LRRC8A: variants seen among roughly 807,000 people sequenced by gnomAD.
LRRC8A encodes the protein volume-regulated anion channel subunit LRRC8A.
Under a neutral mutation model 52.5 loss-of-function variants are expected in LRRC8A, and 24 were observed. That is an observed-to-expected ratio of 0.46 (90% CI 0.33 to 0.64). The LOEUF is 0.64. Among genes scored for constraint, LRRC8A ranks in the 30% least tolerant of loss-of-function variants. The pLI, the probability that LRRC8A is intolerant of heterozygous loss-of-function variation, is 0.02. For missense variants in LRRC8A, 677 were observed against 1,094.7 expected (o/e 0.62, Z 5.38); for synonymous variants, 492 against 494.2 (o/e 1.00, Z 0.06).
chr9:128,910,296 A>G (rs1479704164), intron 3 of LRRC8A, among the ~76,000 whole-genome samples: 1 of 152,094 alleles, frequency 6.6e-6, no homozygotes, highest in African/African-American at 2.4e-5. Flanking sequence ...GACAAGGGAG[A>G]GCCCAGCCAG....
intron 2 of LRRC8A, among the ~76,000 whole-genome samples, chr9:128,900,630 C>T (rs2130987182): frequency 6.6e-6 from 1 of 152,162 alleles, no homozygotes; most frequent in Middle Eastern, 3.4e-3. Context: ...ATCGTTTGAA[C>T]CCAGGAGGTA....
rs1355136706 is a variant in LRRC8A, at chr9:128,899,533, C to T, written c.-8-7624C>T. ...AGACTTCTGTCTCTGAGCCGGTTTC[C>T]GTGGTTATAAAATGGACACCTTAAA... On this transcript the variant is annotated intron_variant, in intron 2 of 3. Coordinates refer to ENST00000372600, the MANE Select transcript of LRRC8A (RefSeq NM_019594.4). The surrounding 1 kb of genome is among the most constrained non-coding windows in gnomAD (Gnocchi z 4.0). Among the ~76,000 whole-genome samples the T allele has an allele frequency of 6.6e-6, 1 of 151,648 alleles. No homozygotes were observed. The highest frequency in any genetic ancestry group is 1.9e-4 in the East Asian group (1 of 5,174).
At position 128,908,825 on chromosome 9, in the gene LRRC8A, A is replaced by G. The variant is rs867670600; in HGVS notation, c.1661A>G (p.Asn554Ser). 1 of 1,613,538 alleles carries G rather than the reference A, an allele frequency of 6.2e-7. No homozygotes were observed. Among genetic ancestry groups the G allele is most frequent in the East Asian group, 2.2e-5 (1 of 44,898 alleles). Residue 554 changes from asparagine to serine, a missense_variant, in exon 3 of 4, where the codon AAC (asparagine) becomes AGC (serine). Around this residue, in one of 4 missense-constraint regions of LRRC8A, gnomAD observed 422 missense variants for 741.5 expected, o/e 0.57. Coordinates refer to ENST00000372600, the MANE Select transcript of LRRC8A (RefSeq NM_019594.4). Reference sequence around the variant, plus strand: ...CTCAAGGTGCTGCGGCTCAAGAGCAACCTAAGCAAGCTGCCACAGGTGGTC... The same window carrying G: ...CTCAAGGTGCTGCGGCTCAAGAGCAGCCTAAGCAAGCTGCCACAGGTGGTC... ...KRLKVLRLKS[N>S]LSKLPQVVTD...
At chr9:128,898,226 T>C (rs1839897852) in intron 2 of LRRC8A, among the ~76,000 whole-genome samples, 1 of 152,128 alleles carries the variant, frequency 6.6e-6, no homozygotes, top group Non-Finnish European at 1.5e-5. Flanking sequence ...TGTTTTTTGT[T>C]TGTTTGTTTT....
intron 2 of LRRC8A, among the ~76,000 whole-genome samples, chr9:128,887,160 T>G (rs898574037): frequency 3.9e-5 from 6 of 152,160 alleles, no homozygotes; most frequent in African/African-American, 1.4e-4. Flanking sequence ...GGTTTTATAC[T>G]GTTTGGCTAT....
At chr9:128,886,351 G>GT (rs976584343) in intron 2 of LRRC8A, among the ~76,000 whole-genome samples, 12 of 152,302 alleles carry the variant, frequency 7.9e-5, no homozygotes, top group African/African-American at 2.2e-4. Flanking sequence ...GCAAACCTCT[G>GT]TTTTTTCTCC....
intron 2 of LRRC8A, among the ~76,000 whole-genome samples, chr9:128,895,804 G>A (rs948516423): frequency 6.6e-6 from 1 of 152,246 alleles, no homozygotes; most frequent in Non-Finnish European, 1.5e-5. Flanking sequence ...TCCCCGCTGA[G>A]CCTTCGCCTG....
intron 2 of LRRC8A, among the ~76,000 whole-genome samples, chr9:128,888,773 TG>T (rs1353804925): frequency 6.6e-6 from 1 of 152,026 alleles, no homozygotes; most frequent in African/African-American, 2.4e-5. Context: ...CTCACTGTCC[TG>T]TCGCTTTCCC....
chr9:128,906,924 G>C (rs777142135), intron 2 of LRRC8A, among the ~76,000 whole-genome samples: 9 of 152,230 alleles, frequency 5.9e-5, no homozygotes, highest in Non-Finnish European at 1.2e-4. Flanking sequence ...TGTATTAAAT[G>C]GGGAGCCTGC....
chr9:128,908,113 C>G lies in LRRC8A; in HGVS notation c.949C>G (p.Leu317Val). The G allele has an allele frequency of 6.2e-7, 1 of 1,614,014 alleles. No homozygotes were observed. The highest frequency in any genetic ancestry group is 8.5e-7 in the Non-Finnish European group (1 of 1,180,030). Reference sequence around the variant, plus strand: ...CCGCTGTGCCCACCCCCTGGCCACACTCTTCAAGATCCTGGCGTCCTTCTA... The same window carrying G: ...CCGCTGTGCCCACCCCCTGGCCACAGTCTTCAAGATCCTGGCGTCCTTCTA... Reference protein sequence around the residue: ...TYRCAHPLATLFKILASFYIS... With the variant: ...TYRCAHPLATVFKILASFYIS... Residue 317 changes from leucine to valine, a missense_variant, in exon 3 of 4, where the codon CTC becomes GTC. Transcript: ENST00000372600.
chr9:128,910,238 C>G (rs1270304406), intron 3 of LRRC8A, among the ~76,000 whole-genome samples: 1 of 152,186 alleles, frequency 6.6e-6, no homozygotes, highest in East Asian at 1.9e-4. Flanking sequence ...GGTGGAGATT[C>G]CTGTAGTGAG....
At chr9:128,890,800 A>G (rs555082376) in intron 2 of LRRC8A, among the ~76,000 whole-genome samples, 1 of 152,324 alleles carries the variant, frequency 6.6e-6, no homozygotes, top group South Asian at 2.1e-4. Context: ...GCTGGTATTC[A>G]TAACAGGTTA....
chr9:128,909,220 A>C lies in LRRC8A; in HGVS notation c.2056A>C (p.Lys686Gln). The change falls in exon 3 of 4, where the codon AAG becomes CAG. Residue 686 changes from lysine (K) to glutamine (Q), a missense_variant. Lys to Gln is a moderately conservative substitution (Grantham distance 53). Transcript: ENST00000372600. The part of the protein sequence containing the change: ...KIPTQLFYCR[K>Q]LRYLDLSHNN... ...CCCCACCCAGCTCTTCTACTGCCGC[A>C]AGCTGCGCTACCTGGACCTCAGCCA... The C allele has an allele frequency of 6.2e-7, 1 of 1,614,134 alleles. No individual in the cohort carries two copies. Among genetic ancestry groups the C allele is most frequent in the South Asian group, 1.1e-5 (1 of 91,090 alleles).
intron 3 of LRRC8A, among the ~76,000 whole-genome samples, chr9:128,914,241 C>T (rs371588456): frequency 2.0e-5 from 3 of 149,502 alleles, no homozygotes; most frequent in Admixed American, 6.8e-5. Context: ...AGCACTCTGC[C>T]GGGCCTTGGC....
At position 128,899,534 on chromosome 9, in the gene LRRC8A, G is replaced by A. The variant is rs1311303835; in HGVS notation, c.-8-7623G>A. ...GACTTCTGTCTCTGAGCCGGTTTCC[G>A]TGGTTATAAAATGGACACCTTAAAA... is the stretch of plus-strand genomic sequence containing the variant. On this transcript the variant is annotated intron_variant, in intron 2 of 3. Coordinates refer to ENST00000372600, the MANE Select transcript of LRRC8A (RefSeq NM_019594.4). This position sits in a 1 kb window ranked among gnomAD's most constrained non-coding sequence, Gnocchi z 4.0. 1.3e-5 allele frequency among the ~76,000 whole-genome samples: 2 copies of A among 151,720 alleles called. No individual in the cohort carries two copies. Among genetic ancestry groups the A allele is most frequent in the Non-Finnish European group, 2.9e-5 (2 of 67,980 alleles).
intron 1 of LRRC8A, among the ~76,000 whole-genome samples, chr9:128,884,150 G>T (rs10988141): frequency 0.064 from 9,677 of 152,228 alleles, 455 homozygotes; most frequent in Non-Finnish European, 0.092. Flanking sequence ...GATCACTGCC[G>T]TGGGTCAGAA....
intron 2 of LRRC8A, among the ~76,000 whole-genome samples, chr9:128,903,659 C>T (rs1022054634): frequency 7.9e-5 from 12 of 151,832 alleles, no homozygotes; most frequent in African/African-American, 2.4e-4. Context: ...GTGATCCGCC[C>T]GCCTTGGCCT....
chr9:128,900,489 G>A (rs968206981), intron 2 of LRRC8A, among the ~76,000 whole-genome samples: 1 of 150,606 alleles, frequency 6.6e-6, no homozygotes, highest in Non-Finnish European at 1.5e-5. Flanking sequence ...TGGGCAGATC[G>A]CTTGAGGTCA....
At chr9:128,913,764 C>T (rs1337137597) in intron 3 of LRRC8A, among the ~76,000 whole-genome samples, 1 of 152,168 alleles carries the variant, frequency 6.6e-6, no homozygotes, top group African/African-American at 2.4e-5. Context: ...AAGGCTCTGG[C>T]CCCTGGGTGC....
Sources: allele counts gnomAD v4.1 joint callset (sites outside exome capture counted in the v4.1 genomes callset), GRCh38; gene constraint gnomAD v4.1.1; regional missense constraint gnomAD v4.1.1; non-coding constraint Gnocchi (gnomAD v3.1); transcripts MANE v1.5; gene names NCBI Gene and HGNC (gene_info 2026-07-23, HGNC 2026-07-21).